The following ANO5 variants were observed in gnomAD, a reference collection of about 807,000 sequenced individuals.
ANO5 encodes anoctamin 5, also known as anoctamin-5.
In ANO5, 109 loss-of-function variants were observed where a neutral mutation model predicts 121.0. The observed-to-expected ratio is 0.90, with a 90% CI of 0.77 to 1.06. The LOEUF (loss-of-function observed/expected upper bound fraction) is 1.06, where lower values mean the gene tolerates loss of function less well. ANO5 is among the 50% of genes least tolerant of loss of function. The probability of loss-of-function intolerance (pLI) is 0.00; values close to 1 mark genes in which losing one functional copy is unlikely to be tolerated. For missense variants in ANO5, 1,064 were observed against 1,078.5 expected, an observed-to-expected ratio of 0.99 and a Z score of 0.19; for synonymous variants, 406 against 359.9, an observed-to-expected ratio of 1.13 and a Z score of -1.45.
At chr11:22,213,086 C>T (rs1364762597) in intron 3 of ANO5, among the ~76,000 whole-genome samples, 2 of 151,242 alleles carry the variant, frequency 1.3e-5, no homozygotes, top group Non-Finnish European at 3.0e-5. Flanking sequence ...TATTATAAAT[C>T]TATTTATTAT....
chr11:22,253,842 C>G (rs1853907143), intron 12 of ANO5, among the ~76,000 whole-genome samples: 1 of 152,026 alleles, frequency 6.6e-6, no homozygotes, highest in African/African-American at 2.4e-5. Context: ...TATGAGGTAT[C>G]TAAAATAGCC....
chr11:22,221,188 A>G lies in ANO5; in HGVS notation c.272A>G (p.Lys91Arg). The change falls in exon 5 of 22, where the codon AAG (lysine) becomes AGG (arginine). Residue 91 changes from lysine (K) to arginine (R), a missense_variant. Transcript: ENST00000324559. ...DFVLSYVDDV[K>R]KDAELKAERR... ...GTGCTTTCCTACGTTGATGATGTAA[A>G]GAAAGACGCAGAGTTAAAGGCGGTA... 1 of 1,609,536 alleles carries G rather than the reference A, an allele frequency of 6.2e-7. No individual in the cohort carries two copies. Among genetic ancestry groups the G allele is most frequent in the Non-Finnish European group, 8.5e-7 (1 of 1,176,592 alleles).
Position 22,263,026 on chromosome 11 carries a change from TAAAG to T in ANO5, c.1884_1887del (p.Glu629ProfsTer7), listed in dbSNP as rs757770948. 6.2e-7 allele frequency: 1 copy of T among 1,611,818 alleles called. No homozygotes were observed. Among genetic ancestry groups the T allele is most frequent in the South Asian group, 1.1e-5 (1 of 91,046 alleles). On this transcript the variant is annotated frameshift_variant, in exon 17 of 22. Coordinates refer to ENST00000324559, the MANE Select transcript of ANO5 (RefSeq NM_213599.3). LOFTEE classifies it high-confidence loss of function. ...CCGGGAAACAGATTTTTGGAAACAT[TAAAG>T]AAGCCATTTATCCGTATGTATGACT...
rs1011414864 is a variant in ANO5, at chr11:22,193,665, G to T, written c.40+133G>T. ...CCTAGGGAGGTTCGCTGCGTGGCGT[G>T]CTCAGCGCGAAACCGGGACTGCGGG... On this transcript the variant is annotated intron_variant, in intron 1 of 21. Coordinates refer to ENST00000324559, the MANE Select transcript of ANO5 (RefSeq NM_213599.3). 8 of 1,197,046 alleles carry T rather than the reference G, an allele frequency of 6.7e-6. No homozygotes were observed. The African/African-American group carries it at 1.2e-4, about 18-fold the overall frequency. The allele number at this position is 1,197,046 out of a possible 1,614,324, so 74.2% of individuals were successfully genotyped here.
At chr11:22,265,863 CAA>C (rs777133101) in intron 17 of ANO5, among the ~76,000 whole-genome samples, 2 of 151,956 alleles carry the variant, frequency 1.3e-5, no homozygotes, top group Non-Finnish European at 2.9e-5. Flanking sequence ...TTAATCAAGA[CAA>C]TGTAGGATTG....
chr11:22,264,508 A>G lies in ANO5; in HGVS notation c.1898+1465A>G, dbSNP rs564082382. Among the ~76,000 whole-genome samples the G allele has an allele frequency of 2.8e-3, 419 of 152,218 alleles. 3 individuals are homozygous for G. The highest frequency in any genetic ancestry group is 4.7e-3 in the Non-Finnish European group (319 of 68,008). On this transcript the variant is annotated intron_variant, in intron 17 of 21. Transcript: ENST00000324559. Reference sequence around the variant, plus strand: ...AAACAAGCAAATTAACAACAACAACAACAACAAAAACCCTGAACCTTCCTA... The same window carrying G: ...AAACAAGCAAATTAACAACAACAACGACAACAAAAACCCTGAACCTTCCTA...
In ANO5 at chr11:22,280,708, A is replaced by G. The variant is rs979925781; in HGVS notation, c.*943A>G. 2 of 152,014 alleles carry G rather than the reference A, an allele frequency of 1.3e-5. No homozygotes were observed. The highest frequency in any genetic ancestry group is 4.8e-5 in the African/African-American group (2 of 41,448). 9.4% of individuals were successfully genotyped at this position (152,014 alleles called of 1,614,324 possible). ...ATAAGTTAGATACGAGTTGTTTATGATAAACATTTCTTTGCTTTAAAATAA... is the reference window on the plus strand; with the variant it reads ...ATAAGTTAGATACGAGTTGTTTATGGTAAACATTTCTTTGCTTTAAAATAA... On this transcript the variant is annotated 3_prime_UTR_variant, in exon 22 of 22. Transcript: ENST00000324559.
At chr11:22,266,233 C>T (rs574530991) in intron 17 of ANO5, among the ~76,000 whole-genome samples, 4 of 152,032 alleles carry the variant, frequency 2.6e-5, no homozygotes, top group Non-Finnish European at 4.4e-5. Context: ...AAAGAGCTTC[C>T]GAAATTTCTA....
Position 22,274,624 on chromosome 11 carries a change from C to T in ANO5, c.2291C>T (p.Ala764Val), listed in dbSNP as rs750264803. ...ATTCCCCGTCTAGTTTACTACTATG[C>T]TTACTCAACAAATGCCACACAGCCT... Reference protein sequence around the residue: ...DIIPRLVYYYAYSTNATQPMT... With the variant: ...DIIPRLVYYYVYSTNATQPMT... Residue 764 changes from alanine to valine, a missense_variant, in exon 20 of 22, where the codon GCT (alanine) becomes GTT (valine). Transcript: ENST00000324559. 2 of 1,612,996 alleles carry T rather than the reference C, an allele frequency of 1.2e-6. No individual in the cohort carries two copies. Among genetic ancestry groups the T allele is most frequent in the Non-Finnish European group, 1.7e-6 (2 of 1,179,494 alleles).
Position 22,276,125 on chromosome 11 carries a change from G to A in ANO5, c.2446G>A (p.Glu816Lys), listed in dbSNP as rs145127621. 1.7e-5 allele frequency: 28 copies of A among 1,610,502 alleles called. No individual in the cohort carries two copies. The highest frequency in any genetic ancestry group is 1.2e-4 in the African/African-American group (9 of 74,660). Residue 816 changes from glutamate (E) to lysine (K), a missense_variant, in exon 21 of 22, where the codon GAG becomes AAG. Physicochemically the swap from Glu to Lys is moderately conservative, Grantham distance 56 (BLOSUM62 1). Transcript: ENST00000324559. ...AGATTACAGATATCCTCCTGATGAC[G>A]AGAATAAATATTTTCATAATATGCA... ...YRDYRYPPDD[E>K]NKYFHNMQFW...
chr11:22,259,646 T>C lies in ANO5; in HGVS notation c.1535T>C (p.Ile512Thr). The C allele has an allele frequency of 6.2e-7, 1 of 1,614,106 alleles. No individual in the cohort carries two copies. The highest frequency in any genetic ancestry group is 1.1e-5 in the South Asian group (1 of 91,080). ...KQVKSFLTPQ[I>T]TTSLTGSCLN... ...GTCAAAAGCTTCCTTACTCCTCAGATAACCACATCACTCACAGGATCATGC... is the reference window on the plus strand; with the variant it reads ...GTCAAAAGCTTCCTTACTCCTCAGACAACCACATCACTCACAGGATCATGC... The change falls in exon 15 of 22, where the codon ATA (isoleucine) becomes ACA (threonine). Residue 512 changes from isoleucine to threonine, a missense_variant. By Grantham distance (89) the Ile-to-Thr change is moderately conservative. Transcript: ENST00000324559.
intron 8 of ANO5, among the ~76,000 whole-genome samples, 170 bp from the exon 9 acceptor site, chr11:22,239,395 TAATA>T (rs763439269): frequency 3.3e-5 from 5 of 152,100 alleles, no homozygotes; most frequent in Non-Finnish European, 7.4e-5. Context: ...TGTGATAATT[TAATA>T]AATAAATATT....
intron 18 of ANO5, among the ~76,000 whole-genome samples, chr11:22,272,051 A>G (rs1854635834): frequency 6.6e-6 from 1 of 152,142 alleles, no homozygotes; most frequent in African/African-American, 2.4e-5. Context: ...TTTCCATTAA[A>G]TGGCTTATTA....
intron 1 of ANO5, among the ~76,000 whole-genome samples, chr11:22,200,027 T>C (rs1367932840): frequency 6.6e-6 from 1 of 152,164 alleles, no homozygotes; most frequent in African/African-American, 2.4e-5. Flanking sequence ...CATCATGTAT[T>C]GCTTATTTGG....
chr11:22,214,991 G>T (rs1362171826), intron 3 of ANO5, among the ~76,000 whole-genome samples: 3 of 151,964 alleles, frequency 2.0e-5, no homozygotes, highest in African/African-American at 7.2e-5. Context: ...GAGATTGTCA[G>T]TATAGAAATG....
chr11:22,231,152 A>G (rs918010111), intron 7 of ANO5, among the ~76,000 whole-genome samples: 18 of 151,860 alleles, frequency 1.2e-4, no homozygotes, highest in African/African-American at 4.4e-4. Flanking sequence ...TTAAATAATT[A>G]TTTTTCTGTT....
At chr11:22,203,286 T>C (rs1345867076) in intron 1 of ANO5, among the ~76,000 whole-genome samples, 2 of 152,176 alleles carry the variant, frequency 1.3e-5, no homozygotes, top group Non-Finnish European at 2.9e-5. Flanking sequence ...ATAAACTTAC[T>C]TGAACATGTA....
At chr11:22,220,148 C>G (rs1692358514) in intron 4 of ANO5, among the ~76,000 whole-genome samples, 1 of 151,852 alleles carries the variant, frequency 6.6e-6, no homozygotes, top group Non-Finnish European at 1.5e-5. Flanking sequence ...AAAGGAAACT[C>G]ATGAATTAAT....
chr11:22,273,332 G>T (rs1355340645), intron 19 of ANO5, among the ~76,000 whole-genome samples: 1 of 152,048 alleles, frequency 6.6e-6, no homozygotes, highest in Non-Finnish European at 1.5e-5. Flanking sequence ...TTTACCTGTT[G>T]TGTTTATGAA....
Sources: allele counts gnomAD v4.1 joint callset (sites outside exome capture counted in the v4.1 genomes callset), GRCh38; gene constraint gnomAD v4.1.1; transcripts MANE v1.5; gene names NCBI Gene and HGNC (gene_info 2026-07-23, HGNC 2026-07-21).